ASIC2: variants seen among roughly 807,000 people sequenced by gnomAD.
ASIC2 encodes acid sensing ion channel subunit 2, also known as acid-sensing ion channel 2.
In ASIC2, 25 loss-of-function variants were observed where a neutral mutation model predicts 57.3. That is an observed-to-expected ratio of 0.44 (90% CI 0.32 to 0.61). The LOEUF is 0.61. Among genes scored for constraint, ASIC2 ranks in the 20% least tolerant of loss-of-function variants. The pLI is 0.06. For missense variants in ASIC2, 641 were observed against 738.1 expected (o/e 0.87, Z 1.52); for synonymous variants, 319 against 307.5 (o/e 1.04, Z -0.39).
At chr17:33,801,411 G>C (rs1912129351) in intron 1 of ASIC2, among the ~76,000 whole-genome samples, 1 of 152,108 alleles carries the variant, frequency 6.6e-6, no homozygotes. Flanking sequence ...TTGATTGTCT[G>C]ATCTGACATG....
intron 1 of ASIC2, among the ~76,000 whole-genome samples, chr17:33,216,235 G>A (rs1042529667): frequency 1.2e-4 from 18 of 152,122 alleles, no homozygotes; most frequent in Non-Finnish European, 2.9e-5. Context: ...TTAGGTCGGC[G>A]CATCAACCTA....
chr17:33,169,509 A>G (rs1054468933), intron 1 of ASIC2, among the ~76,000 whole-genome samples: 1 of 152,270 alleles, frequency 6.6e-6, no homozygotes, highest in African/African-American at 2.4e-5. Flanking sequence ...AATTTTGGTT[A>G]CAAATGAGAA....
intron 3 of ASIC2, among the ~76,000 whole-genome samples, chr17:33,087,686 C>T (rs1255680836): frequency 2.0e-5 from 3 of 150,426 alleles, no homozygotes; most frequent in Non-Finnish European, 4.4e-5. Flanking sequence ...CTCCAACCGC[C>T]CAAGTAGCTG....
intron 1 of ASIC2, among the ~76,000 whole-genome samples, chr17:33,968,661 C>T (rs1905139769): frequency 1.3e-5 from 2 of 152,204 alleles, no homozygotes. Context: ...GGCTTCAGCT[C>T]CGTTGGGCTT....
At chr17:33,951,187 A>G (rs1405255004) in intron 1 of ASIC2, among the ~76,000 whole-genome samples, 1 of 152,214 alleles carries the variant, frequency 6.6e-6, no homozygotes, top group African/African-American at 2.4e-5. Flanking sequence ...TTGAGTGCTC[A>G]CTATAAATTA....
chr17:33,171,749 T>C (rs532776135), intron 1 of ASIC2, among the ~76,000 whole-genome samples: 3 of 152,306 alleles, frequency 2.0e-5, no homozygotes, highest in South Asian at 4.1e-4. Flanking sequence ...CCCTGCAACA[T>C]GGCCTGTGTT....
chr17:33,589,069 C>A (rs891162750), intron 1 of ASIC2, among the ~76,000 whole-genome samples: 2 of 152,212 alleles, frequency 1.3e-5, no homozygotes, highest in Non-Finnish European at 2.9e-5. Flanking sequence ...ACATTTTAAG[C>A]ATGCCACGTA....
rs143695185 is a variant in ASIC2 at position 33,822,540 on chromosome 17, C to T, written c.555+333438G>A. ...TTCACTCTTTTCTAATATTCTTAGT[C>T]AGTGATGGCAGTGGAACCCCAGCTT... On this transcript the variant is annotated intron_variant, in intron 1 of 9. Transcript: ENST00000359872. Among the ~76,000 whole-genome samples, 390 of 152,266 alleles carry T rather than the reference C, an allele frequency of 2.6e-3. 3 individuals are homozygous for T. Among genetic ancestry groups the T allele is most frequent in the African/African-American group, 9.1e-3 (377 of 41,554 alleles).
intron 1 of ASIC2, among the ~76,000 whole-genome samples, chr17:34,093,060 C>T (rs1027571698): frequency 1.3e-5 from 2 of 152,134 alleles, no homozygotes; most frequent in African/African-American, 2.4e-5. Context: ...CCTGCTGAAA[C>T]GTTTATTATT....
At chr17:33,397,603 A>C (rs1910126545) in intron 1 of ASIC2, among the ~76,000 whole-genome samples, 1 of 152,202 alleles carries the variant, frequency 6.6e-6, no homozygotes, top group South Asian at 2.1e-4. Context: ...TCTAAAGAAC[A>C]TTGGATCTAC....
chr17:33,711,553 T>C (rs999510928), intron 1 of ASIC2, among the ~76,000 whole-genome samples: 2 of 152,242 alleles, frequency 1.3e-5, no homozygotes, highest in South Asian at 4.1e-4. Flanking sequence ...TGAAACTGAG[T>C]AATTTATAAA....
At chr17:33,064,972 C>T (rs77278078) in intron 3 of ASIC2, among the ~76,000 whole-genome samples, 4,834 of 152,224 alleles carry the variant, frequency 0.032, 116 homozygotes, top group Non-Finnish European at 0.052. Context: ...CATGGAGTTA[C>T]AGAGAGGCTT....
chr17:33,647,801 A>G (rs1275403735), intron 1 of ASIC2, among the ~76,000 whole-genome samples: 1 of 152,224 alleles, frequency 6.6e-6, no homozygotes, highest in African/African-American at 2.4e-5. Context: ...AGCAGGGTGC[A>G]TGGCTGGCTG....
chr17:34,013,901 T>C (rs575074060), intron 1 of ASIC2, among the ~76,000 whole-genome samples: 2 of 152,210 alleles, frequency 1.3e-5, no homozygotes, highest in East Asian at 1.9e-4. Flanking sequence ...CTGGCCCTGA[T>C]AGATAAGGGG....
At chr17:33,962,157 C>A (rs192037511) in intron 1 of ASIC2, among the ~76,000 whole-genome samples, 1 of 152,258 alleles carries the variant, frequency 6.6e-6, no homozygotes, top group East Asian at 1.9e-4. Context: ...GAGATTCTAC[C>A]ATTTGCTAGT....
At chr17:33,992,188 T>A (rs1906019593) in intron 1 of ASIC2, among the ~76,000 whole-genome samples, 1 of 152,176 alleles carries the variant, frequency 6.6e-6, no homozygotes, top group Admixed American at 6.5e-5. Context: ...GATGGAATCA[T>A]CTGTATTGCT....
chr17:33,185,922 T>TG (rs948009248), intron 1 of ASIC2, among the ~76,000 whole-genome samples: 1 of 152,188 alleles, frequency 6.6e-6, no homozygotes, highest in African/African-American at 2.4e-5. Context: ...AGGCAAGGGC[T>TG]GTCCTGGCCC....
intron 1 of ASIC2, among the ~76,000 whole-genome samples, chr17:33,980,245 A>G (rs919546855): frequency 5.3e-5 from 8 of 152,198 alleles, no homozygotes; most frequent in Middle Eastern, 3.2e-3. Context: ...ACATATTTTC[A>G]GGACTCAAGA....
intron 1 of ASIC2, among the ~76,000 whole-genome samples, chr17:34,078,598 A>G (rs960438599): frequency 2.0e-5 from 3 of 152,144 alleles, no homozygotes; most frequent in African/African-American, 7.2e-5. Context: ...AGCAGCAATG[A>G]GGAAAGCAAC....
Sources: allele counts gnomAD v4.1 joint callset (sites outside exome capture counted in the v4.1 genomes callset), GRCh38; gene constraint gnomAD v4.1.1; transcripts MANE v1.5; gene names NCBI Gene and HGNC (gene_info 2026-07-23, HGNC 2026-07-21).